The following MBOAT2 variants were observed in gnomAD, a reference collection of about 807,000 sequenced individuals.
The protein encoded by MBOAT2 is membrane bound glycerophospholipid O-acyltransferase 2.
MBOAT2 carries 28 observed loss-of-function variants against 63.4 expected under a neutral mutation model. That is an observed-to-expected ratio of 0.44 (90% CI 0.33 to 0.61). The LOEUF is 0.61. MBOAT2 is among the 20% of genes least tolerant of loss of function. The pLI, the probability that MBOAT2 is intolerant of heterozygous loss-of-function variation, is 0.03. For synonymous variants in MBOAT2, 211 were observed against 215.6 expected (o/e 0.98, Z 0.19); for missense variants, 470 against 605.8 (o/e 0.78, Z 2.35).
chr2:8,970,034 C>T (rs946774633), intron 1 of MBOAT2, among the ~76,000 whole-genome samples: 9 of 152,216 alleles, frequency 5.9e-5, no homozygotes, highest in Non-Finnish European at 1.0e-4. Flanking sequence ...AGACATCTAA[C>T]AGAACTCTCC....
At chr2:8,953,894 C>A (rs1436933485) in intron 2 of MBOAT2, among the ~76,000 whole-genome samples, 1 of 152,164 alleles carries the variant, frequency 6.6e-6, no homozygotes, top group East Asian at 1.9e-4. Context: ...TCCTTACAAT[C>A]CATGATTTGA....
At chr2:8,934,677 A>C (rs944076417) in intron 3 of MBOAT2, among the ~76,000 whole-genome samples, 1 of 152,196 alleles carries the variant, frequency 6.6e-6, no homozygotes, top group Non-Finnish European at 1.5e-5. Flanking sequence ...AAACCCCTGA[A>C]AGGCTGGTAA....
At chr2:8,919,409 C>T (rs985224964) in intron 3 of MBOAT2, among the ~76,000 whole-genome samples, 1 of 152,144 alleles carries the variant, frequency 6.6e-6, no homozygotes, top group Non-Finnish European at 1.5e-5. Flanking sequence ...TAAATTACAT[C>T]CATTCTAGTG....
intron 3 of MBOAT2, among the ~76,000 whole-genome samples, chr2:8,932,745 G>A (rs190227024): frequency 3.0e-3 from 457 of 150,580 alleles, no homozygotes; most frequent in African/African-American, 0.011. Context: ...ATGGGATACA[G>A]TATTTAGGAG....
intron 4 of MBOAT2, 52 bp from the exon 5 acceptor site, chr2:8,888,125 T>C (rs752697032): frequency 6.7e-7 from 1 of 1,503,182 alleles, no homozygotes; most frequent in Non-Finnish European, 9.2e-7. Flanking sequence ...GTTAAAACAA[T>C]ACTTATGACA....
intron 1 of MBOAT2, among the ~76,000 whole-genome samples, chr2:8,998,094 G>A (rs1204112938): frequency 6.6e-6 from 1 of 152,286 alleles, no homozygotes; most frequent in South Asian, 2.1e-4. Context: ...AAGACAAACA[G>A]AGAATCATGG....
chr2:8,926,657 G>A (rs577475961), intron 3 of MBOAT2, among the ~76,000 whole-genome samples: 24 of 152,266 alleles, frequency 1.6e-4, no homozygotes, highest in Admixed American at 1.4e-3. Context: ...CAGTCACAAC[G>A]GGTGCTGCGA....
chr2:8,944,409 AT>A (rs1440856008), intron 2 of MBOAT2, among the ~76,000 whole-genome samples: 2 of 151,912 alleles, frequency 1.3e-5, no homozygotes, highest in Non-Finnish European at 2.9e-5. Context: ...AAAGTACTTT[AT>A]TTTTTTTCTT....
chr2:8,985,708 G>C (rs1671517842), intron 1 of MBOAT2, among the ~76,000 whole-genome samples: 1 of 151,910 alleles, frequency 6.6e-6, no homozygotes, highest in Non-Finnish European at 1.5e-5. Context: ...CTACCTTCAA[G>C]TATATGCCAA....
At chr2:8,928,757 C>T (rs574167438) in intron 3 of MBOAT2, among the ~76,000 whole-genome samples, 16 of 152,172 alleles carry the variant, frequency 1.1e-4, no homozygotes, top group African/African-American at 3.9e-4. Flanking sequence ...CCAACAGATC[C>T]TCAAATGTTT....
intron 3 of MBOAT2, among the ~76,000 whole-genome samples, chr2:8,942,739 C>T (rs1286787447): frequency 1.3e-5 from 2 of 152,174 alleles, no homozygotes; most frequent in African/African-American, 4.8e-5. Context: ...TATTTCCTAC[C>T]GGTCCTTCTA....
At chr2:9,001,275 G>A (rs989596228) in intron 1 of MBOAT2, among the ~76,000 whole-genome samples, 1 of 151,992 alleles carries the variant, frequency 6.6e-6, no homozygotes, top group Non-Finnish European at 1.5e-5. Flanking sequence ...ATGCACTTAG[G>A]ATTATCAAAT....
intron 3 of MBOAT2, among the ~76,000 whole-genome samples, chr2:8,938,614 T>C (rs1432029019): frequency 1.3e-5 from 2 of 151,894 alleles, no homozygotes; most frequent in Non-Finnish European, 2.9e-5. Flanking sequence ...TGTTTCATGC[T>C]GCCACGTTTC....
intron 3 of MBOAT2, among the ~76,000 whole-genome samples, chr2:8,933,907 A>G (rs1213352531): frequency 6.6e-6 from 1 of 152,206 alleles, no homozygotes; most frequent in African/African-American, 2.4e-5. Context: ...TTGCTCAAGA[A>G]TGACTGAAAC....
intron 1 of MBOAT2, among the ~76,000 whole-genome samples, chr2:9,000,865 TTAAG>T (rs1463208309): frequency 2.0e-5 from 3 of 152,370 alleles, no homozygotes; most frequent in East Asian, 1.9e-4. Context: ...TTTTACTTTA[TTAAG>T]TTTTTAATTC....
rs73916026 is a variant in MBOAT2, at chr2:8,916,112, T to C, written c.300-7396A>G. Among the ~76,000 whole-genome samples the C allele has an allele frequency of 9.8e-3, 1,488 of 152,314 alleles. 24 individuals are homozygous for C. The highest frequency in any genetic ancestry group is 0.033 in the African/African-American group (1,377 of 41,566). On this transcript the variant is annotated intron_variant, in intron 3 of 12. Transcript: ENST00000305997. ...GGTCCATCTTTAGCTTACAAGGAGC[T>C]AGCCTGAGGACAAAGTCAATATGCT... is the stretch of plus-strand genomic sequence containing the variant.
intron 6 of MBOAT2, among the ~76,000 whole-genome samples, chr2:8,877,578 G>A (rs550767621): frequency 4.6e-5 from 7 of 152,298 alleles, no homozygotes; most frequent in South Asian, 2.1e-4. Flanking sequence ...GCCTGGATAC[G>A]GCAGTAAACA....
At chr2:8,861,444 C>T (rs1014211542) in intron 11 of MBOAT2, among the ~76,000 whole-genome samples, 10 of 152,048 alleles carry the variant, frequency 6.6e-5, no homozygotes, top group Non-Finnish European at 1.5e-4. Flanking sequence ...AGTTTTTAAG[C>T]GCAAGAATGG....
chr2:8,860,045 G>A (rs960848117), intron 12 of MBOAT2, among the ~76,000 whole-genome samples: 2 of 151,912 alleles, frequency 1.3e-5, no homozygotes, highest in East Asian at 1.9e-4. Flanking sequence ...AAAATTAGCC[G>A]GGTGTAGTGG....
Sources: gnomAD v4.1 joint callset for allele counts (sites outside exome capture counted in the v4.1 genomes callset) on GRCh38, gnomAD v4.1.1 for gene constraint, MANE v1.5 for transcripts, NCBI Gene and HGNC (gene_info 2026-07-23, HGNC 2026-07-21) for gene names.